The following KIN variants were observed in gnomAD, a reference collection of about 807,000 sequenced individuals.
The protein encoded by KIN is Kin17 DNA and RNA binding protein.
Under a neutral mutation model 63.0 loss-of-function variants are expected in KIN, and 47 were observed. That is an observed-to-expected ratio of 0.75 (90% CI 0.59 to 0.95). KIN has a LOEUF of 0.95. Among genes scored for constraint, KIN ranks in the 40% least tolerant of loss-of-function variants. KIN has a pLI of 0.00. For synonymous variants in KIN, 160 were observed against 157.7 expected (o/e 1.01, Z -0.11); for missense variants, 408 against 460.9 (o/e 0.89, Z 1.05).
rs1442168090 is a variant in KIN, at chr10:7,769,263, A to C, written c.751T>G (p.Ser251Ala). 1 of 1,613,468 alleles carries C rather than the reference A, an allele frequency of 6.2e-7. No individual in the cohort carries two copies. The highest frequency in any genetic ancestry group is 1.3e-5 in the African/African-American group (1 of 74,890). ...GATTTCTTTTTCTTCTTTTCTTTAG[A>C]CTGAGTTGAGCTCTGGGAAGATTCT... ...RKESSQSSTQ[S>A]KEKKKKKSAL... The change falls in exon 8 of 13, where the codon TCT (serine) becomes GCT (alanine). Residue 251 changes from serine to alanine, a missense_variant. By Grantham distance (99) the Ser-to-Ala change is moderately conservative. Coordinates refer to ENST00000379562, the MANE Select transcript of KIN (RefSeq NM_012311.4).
At chr10:7,756,442 TTGTGGTTAGC>T (rs1451088766) in intron 12 of KIN, among the ~76,000 whole-genome samples, 1 of 152,220 alleles carries the variant, frequency 6.6e-6, no homozygotes. Flanking sequence ...CCTGGCTCCC[TTGTGGTTAGC>T]TGTGGCCATG....
At chr10:7,771,675 T>C (rs1835668223) in intron 7 of KIN, among the ~76,000 whole-genome samples, 1 of 152,114 alleles carries the variant, frequency 6.6e-6, no homozygotes, top group Non-Finnish European at 1.5e-5. Flanking sequence ...GGTGGATCAT[T>C]TGAGGTCAGG....
At chr10:7,762,877 T>C (rs917033498) in intron 10 of KIN, among the ~76,000 whole-genome samples, 10 of 152,196 alleles carry the variant, frequency 6.6e-5, no homozygotes, top group African/African-American at 2.4e-5. Flanking sequence ...GCAATAGGCA[T>C]GCACAAGGCT....
chr10:7,757,924 T>C (rs1363775826), intron 12 of KIN, among the ~76,000 whole-genome samples: 1 of 151,992 alleles, frequency 6.6e-6, no homozygotes, highest in Non-Finnish European at 1.5e-5. Flanking sequence ...TTTCAAATAT[T>C]ATCAACGACA....
chr10:7,769,476 G>T, intron 7 of KIN, 131 bp from the exon 8 acceptor site: 2 of 875,474 alleles, frequency 2.3e-6, no homozygotes, highest in Non-Finnish European at 1.8e-6. Flanking sequence ...AAACCATGGA[G>T]TCCCTGTCCA....
At position 7,753,743 on chromosome 10, in the gene KIN, T is replaced by C. The variant is rs565655602; in HGVS notation, c.*2337A>G. ...ACACCCAAAACCCAGTTGCTTTCCA[T>C]AATGTGCTGTCAGGTTACTTTGGAA... On this transcript the variant is annotated 3_prime_UTR_variant, in exon 13 of 13. Transcript: ENST00000379562. The C allele has an allele frequency of 5.7e-6, 1 of 174,528 alleles. No individual in the cohort carries two copies. Among genetic ancestry groups the C allele is most frequent in the African/African-American group, 2.4e-5 (1 of 42,028 alleles). The allele number at this position is 174,528 out of a possible 1,614,324, so 10.8% of individuals were successfully genotyped here. A position where few individuals can be genotyped will look rare whatever the true frequency, so the allele number is the denominator to read the frequency against.
Position 7,774,823 on chromosome 10 carries a change from C to T in KIN, c.668+8G>A. The T allele has an allele frequency of 2.5e-6, 4 of 1,604,272 alleles. No individual in the cohort carries two copies. The highest frequency in any genetic ancestry group is 3.4e-6 in the Non-Finnish European group (4 of 1,171,250). On this transcript the variant is annotated splice_region_variant and intron_variant, in intron 7 of 12. Coordinates refer to ENST00000379562, the MANE Select transcript of KIN (RefSeq NM_012311.4). ...TGTTTTAAGATATCCGTGAATGATG[C>T]AGCTCACCTTGACTTGGAAGATGTT...
At chr10:7,784,130 A>G (rs1835951196) in intron 1 of KIN, among the ~76,000 whole-genome samples, 1 of 152,252 alleles carries the variant, frequency 6.6e-6, no homozygotes. Flanking sequence ...ATAAAATAAA[A>G]TGAACAAACA....
At chr10:7,767,797 T>C (rs2131001319) in intron 8 of KIN, among the ~76,000 whole-genome samples, 1 of 143,304 alleles carries the variant, frequency 7.0e-6, no homozygotes, top group African/African-American at 2.6e-5. Context: ...AGGTAGATGG[T>C]GCAGGGAGCT....
rs73628495 is a variant in KIN, at chr10:7,770,379, G to C, written c.669-1034C>G. Among the ~76,000 whole-genome samples, 800 of 152,298 alleles carry C rather than the reference G, an allele frequency of 5.3e-3. 8 individuals are homozygous for C. The highest frequency in any genetic ancestry group is 0.019 in the African/African-American group (777 of 41,548). On this transcript the variant is annotated intron_variant, in intron 7 of 12. Coordinates refer to ENST00000379562, the MANE Select transcript of KIN (RefSeq NM_012311.4). ...GACTGAGCCATGCCCTATGCTTTCAGCCTCTGAAAATTTGCACATGCCTTG... is the reference window on the plus strand; with the variant it reads ...GACTGAGCCATGCCCTATGCTTTCACCCTCTGAAAATTTGCACATGCCTTG...
intron 12 of KIN, chr10:7,759,684 A>G: frequency 6.1e-6 from 2 of 329,934 alleles, no homozygotes; most frequent in Non-Finnish European, 1.1e-5. Flanking sequence ...GGTTTTATGC[A>G]TGAGTACACA....
intron 12 of KIN, among the ~76,000 whole-genome samples, chr10:7,758,837 G>A (rs1054379025): frequency 6.6e-6 from 1 of 151,926 alleles, no homozygotes; most frequent in African/African-American, 2.4e-5. Flanking sequence ...GTTCCTCAAT[G>A]CCAAGTAGGA....
In KIN at chr10:7,762,441, C is replaced by T. The variant is rs1350081521; in HGVS notation, c.1018+16G>A. 1 of 1,495,582 alleles carries T rather than the reference C, an allele frequency of 6.7e-7. No homozygotes were observed. The highest frequency in any genetic ancestry group is 1.2e-5 in the South Asian group (1 of 85,904). 92.6% of individuals were successfully genotyped at this position (1,495,582 alleles called of 1,614,324 possible). On this transcript the variant is annotated intron_variant, in intron 11 of 12. Coordinates refer to ENST00000379562, the MANE Select transcript of KIN (RefSeq NM_012311.4). ...TTTGATGGCATATGTATTAAATGGT[C>T]TGCAAACAGATTTACCTGGTGCTGG...
chr10:7,780,055 C>A lies in KIN; in HGVS notation c.376+1G>T, dbSNP rs1363233251. The A allele has an allele frequency of 1.2e-6, 2 of 1,610,870 alleles. No homozygotes were observed. The highest frequency in any genetic ancestry group is 1.7e-6 in the Non-Finnish European group (2 of 1,178,118). On this transcript the variant is annotated splice_donor_variant, in intron 4 of 12. Coordinates refer to ENST00000379562, the MANE Select transcript of KIN (RefSeq NM_012311.4). LOFTEE classifies it high-confidence loss of function. ...AAGCAACTTTAAAATCTCATTCTTA[C>A]CTTCTCTGCCCAGCCACTTAGTAAA...
intron 5 of KIN, among the ~76,000 whole-genome samples, chr10:7,776,401 G>C (rs975762122): frequency 6.7e-6 from 1 of 149,178 alleles, no homozygotes; most frequent in Non-Finnish European, 1.5e-5. Context: ...ATTTAGCCGG[G>C]TGTGATGGCG....
chr10:7,787,068 A>G (rs527742340), intron 1 of KIN, among the ~76,000 whole-genome samples: 23 of 125,698 alleles, frequency 1.8e-4, no homozygotes, highest in African/African-American at 6.7e-4. Context: ...AAAAGTGTAA[A>G]TTCCATAGTG....
chr10:7,780,215 A>T, intron 3 of KIN, 37 bp from the exon 4 acceptor site: 1 of 1,611,552 alleles, frequency 6.2e-7, no homozygotes, highest in East Asian at 2.2e-5. Context: ...TCATCAGAAG[A>T]TTATGCCATT....
chr10:7,784,496 G>C (rs1434670370), intron 1 of KIN, among the ~76,000 whole-genome samples: 1 of 152,166 alleles, frequency 6.6e-6, no homozygotes, highest in African/African-American at 2.4e-5. Context: ...GCTGAGGCGG[G>C]AGGATTGCTT....
intron 10 of KIN, among the ~76,000 whole-genome samples, chr10:7,763,221 A>T (rs1330412657): frequency 6.6e-6 from 1 of 152,176 alleles, no homozygotes; most frequent in Non-Finnish European, 1.5e-5. Context: ...GCACCACTGC[A>T]CTCCAGCCTG....
Sources: gnomAD v4.1 joint callset for allele counts (sites outside exome capture counted in the v4.1 genomes callset) on GRCh38, gnomAD v4.1.1 for gene constraint, MANE v1.5 for transcripts, NCBI Gene and HGNC (gene_info 2026-07-23, HGNC 2026-07-21) for gene names.